HCN1: variants seen among roughly 807,000 people sequenced by gnomAD.
HCN1 encodes potassium/sodium hyperpolarization-activated cyclic nucleotide-gated channel 1.
In HCN1, 13 loss-of-function variants were observed where a neutral mutation model predicts 78.9. That is an observed-to-expected ratio of 0.16 (90% CI 0.11 to 0.26). The LOEUF (loss-of-function observed/expected upper bound fraction) is 0.26, where lower values mean the gene tolerates loss of function less well. HCN1 is among the 10% of genes least tolerant of loss of function. The pLI is 1.00. For missense variants in HCN1, 810 were observed against 1,154.3 expected (o/e 0.70, Z 4.32); for synonymous variants, 552 against 455.5 (o/e 1.21, Z -2.70).
intron 2 of HCN1, among the ~76,000 whole-genome samples, chr5:45,614,833 A>G (rs1163420221): frequency 6.6e-6 from 1 of 151,992 alleles, no homozygotes; most frequent in East Asian, 1.9e-4. Context: ...CCACTTCCAT[A>G]TTTCACACTC....
At chr5:45,514,052 T>C (rs763382711) in intron 2 of HCN1, among the ~76,000 whole-genome samples, 7 of 152,156 alleles carry the variant, frequency 4.6e-5, no homozygotes, top group Non-Finnish European at 1.0e-4. Context: ...AGTTATAGGA[T>C]AGAAACTATA....
At chr5:45,485,193 A>G (rs1411312392) in intron 2 of HCN1, among the ~76,000 whole-genome samples, 1 of 152,208 alleles carries the variant, frequency 6.6e-6, no homozygotes, top group African/African-American at 2.4e-5. Context: ...TTGTATTATA[A>G]TGTAGGCGCT....
chr5:45,557,297 C>T (rs1010989014), intron 2 of HCN1, among the ~76,000 whole-genome samples: 2 of 152,072 alleles, frequency 1.3e-5, no homozygotes, highest in Non-Finnish European at 2.9e-5. Flanking sequence ...CAACGGTTCT[C>T]GTCACTGAGC....
chr5:45,435,545 C>A (rs751296766), intron 3 of HCN1, among the ~76,000 whole-genome samples: 1 of 152,018 alleles, frequency 6.6e-6, no homozygotes, highest in Non-Finnish European at 1.5e-5. Context: ...GCTCAGGCAA[C>A]TGTTAGACCT....
intron 5 of HCN1, among the ~76,000 whole-genome samples, chr5:45,333,959 G>A (rs1389552858): frequency 2.0e-5 from 3 of 151,732 alleles, no homozygotes; most frequent in African/African-American, 4.8e-5. Context: ...AATGCATGAT[G>A]CCATTGACTG....
chr5:45,360,312 G>C (rs1022063608), intron 4 of HCN1, among the ~76,000 whole-genome samples: 12 of 151,522 alleles, frequency 7.9e-5, no homozygotes, highest in Admixed American at 6.6e-5. Flanking sequence ...ATTTAAAATT[G>C]TTTGCTCTTC....
In HCN1 at chr5:45,260,134, G is replaced by C. The variant is rs1021138396; in HGVS notation, c.*1787C>G. 6.6e-6 allele frequency: 1 copy of C among 152,216 alleles called. No homozygotes were observed. Among genetic ancestry groups the C allele is most frequent in the Non-Finnish European group, 1.5e-5 (1 of 68,046 alleles). The allele number at this position is 152,216 out of a possible 1,614,324, so 9.4% of individuals were successfully genotyped here. On this transcript the variant is annotated 3_prime_UTR_variant, in exon 8 of 8. Coordinates refer to ENST00000303230, the MANE Select transcript of HCN1 (RefSeq NM_021072.4). Reference sequence around the variant, plus strand: ...GATCCACTTTAGAGTTTCTGCTTTTGTTTTTGTTTTCTGTCCTCAAGTCTA... The same window carrying C: ...GATCCACTTTAGAGTTTCTGCTTTTCTTTTTGTTTTCTGTCCTCAAGTCTA...
intron 5 of HCN1, among the ~76,000 whole-genome samples, chr5:45,333,335 A>T (rs1746384612): frequency 6.6e-6 from 1 of 151,566 alleles, no homozygotes; most frequent in African/African-American, 2.4e-5. Flanking sequence ...TATTTGGATT[A>T]TTAGACTTTT....
At chr5:45,446,985 A>C in intron 3 of HCN1, among the ~76,000 whole-genome samples, 1 of 152,088 alleles carries the variant, frequency 6.6e-6, no homozygotes, top group Non-Finnish European at 1.5e-5. Flanking sequence ...TCAACTAACG[A>C]GCAAAATAAC....
rs1294843567 is a variant in HCN1 at position 45,255,925 on chromosome 5, C to T, written c.*5996G>A. On this transcript the variant is annotated 3_prime_UTR_variant, in exon 8 of 8. Coordinates refer to ENST00000303230, the MANE Select transcript of HCN1 (RefSeq NM_021072.4). ...AAAAAAAAAAGTCTGAATAACTCTA[C>T]GTTACCTGAATTCAATTATATAATC... The T allele has an allele frequency of 1.3e-5, 2 of 151,964 alleles. No homozygotes were observed. The highest frequency in any genetic ancestry group is 2.9e-5 in the Non-Finnish European group (2 of 67,994). 9.4% of individuals were successfully genotyped at this position (151,964 alleles called of 1,614,324 possible).
At chr5:45,613,020 A>G (rs1261706336) in intron 2 of HCN1, among the ~76,000 whole-genome samples, 2 of 152,062 alleles carry the variant, frequency 1.3e-5, no homozygotes, top group African/African-American at 2.4e-5. Context: ...TTTTATTATT[A>G]TACTTTAAGT....
intron 5 of HCN1, among the ~76,000 whole-genome samples, chr5:45,348,724 T>C (rs191991119): frequency 5.9e-5 from 9 of 152,130 alleles, no homozygotes; most frequent in Non-Finnish European, 8.8e-5. Context: ...GTTGCAATCC[T>C]AGTCTCTGAT....
chr5:45,536,620 C>T (rs1742973840), intron 2 of HCN1, among the ~76,000 whole-genome samples: 1 of 152,146 alleles, frequency 6.6e-6, no homozygotes, highest in African/African-American at 2.4e-5. Flanking sequence ...TGTCACTTCT[C>T]TAACATTCTT....
At chr5:45,491,166 T>C (rs1437603336) in intron 2 of HCN1, among the ~76,000 whole-genome samples, 1 of 152,148 alleles carries the variant, frequency 6.6e-6, no homozygotes, top group Non-Finnish European at 1.5e-5. Context: ...AATTAAATAT[T>C]AACATGTATT....
intron 2 of HCN1, chr5:45,575,153 A>G (rs1743913781): frequency 6.6e-6 from 1 of 152,200 alleles, no homozygotes; most frequent in African/African-American, 2.4e-5. Flanking sequence ...ATTGGAGGAA[A>G]ATGCCATCTA....
At chr5:45,645,939 CAG>C (rs1453364863) in intron 1 of HCN1, among the ~76,000 whole-genome samples, 1 of 151,686 alleles carries the variant, frequency 6.6e-6, no homozygotes, top group Non-Finnish European at 1.5e-5. Context: ...AAAATATAGA[CAG>C]AAACTAGAAA....
intron 4 of HCN1, among the ~76,000 whole-genome samples, chr5:45,388,639 A>G (rs574582591): frequency 3.3e-5 from 5 of 152,274 alleles, no homozygotes; most frequent in East Asian, 1.9e-4. Flanking sequence ...GAGGCACACT[A>G]AAGTTTGGAA....
chr5:45,582,496 A>G (rs1222223999), intron 2 of HCN1, among the ~76,000 whole-genome samples: 1 of 152,006 alleles, frequency 6.6e-6, no homozygotes, highest in Non-Finnish European at 1.5e-5. Context: ...TCTTTTCCTA[A>G]TTGAATACCC....
intron 2 of HCN1, among the ~76,000 whole-genome samples, chr5:45,499,089 T>G (rs965202693): frequency 3.3e-5 from 5 of 152,206 alleles, no homozygotes; most frequent in African/African-American, 1.2e-4. Context: ...GCAGGTCTCC[T>G]TGAGCTGTGG....
Sources: gnomAD v4.1 joint callset for allele counts (sites outside exome capture counted in the v4.1 genomes callset) on GRCh38, gnomAD v4.1.1 for gene constraint, MANE v1.5 for transcripts, NCBI Gene and HGNC (gene_info 2026-07-23, HGNC 2026-07-21) for gene names.